The following NALF1 variants were observed in gnomAD, a reference collection of about 807,000 sequenced individuals.
NALF1 encodes the protein NALCN channel auxiliary factor 1.
NALF1 carries 3 observed loss-of-function variants against 48.4 expected under a neutral mutation model. The ratio of observed to expected loss-of-function variants is 0.06; its 90% CI spans 0.03 to 0.16. The LOEUF (loss-of-function observed/expected upper bound fraction) is 0.16. Ranked by LOEUF, NALF1 falls within the 10% of genes least tolerant of loss-of-function variation. The pLI, the probability that NALF1 is intolerant of heterozygous loss-of-function variation, is 1.00. For synonymous variants in NALF1, 262 were observed against 245.7 expected, an observed-to-expected ratio of 1.07 and a Z score of -0.62; for missense variants, 526 against 571.5, an observed-to-expected ratio of 0.92 and a Z score of 0.81.
rs1878777306 is a variant in NALF1 at position 107,170,509 on chromosome 13, G to C, written c.1365C>G (p.Thr455=). ...ACTCGTCCTTCCGTTACTCCTCATT[G>C]GTTGAGTTTTCTTCCAGCGTGTTGA... ...GGINTLEENS[T]NEE is the part of the protein sequence containing the mutation. The change falls in exon 3 of 3, where the codon ACC becomes ACG. Residue 455 remains threonine, a synonymous_variant. Coordinates refer to ENST00000375915, the MANE Select transcript of NALF1 (RefSeq NM_001080396.3). 1 of 1,599,622 alleles carries C rather than the reference G, an allele frequency of 6.3e-7. No homozygotes were observed. The highest frequency in any genetic ancestry group is 1.1e-5 in the South Asian group (1 of 90,928).
chr13:107,588,234 T>C (rs1485511193), intron 1 of NALF1, among the ~76,000 whole-genome samples: 1 of 152,098 alleles, frequency 6.6e-6, no homozygotes, highest in Non-Finnish European at 1.5e-5. Context: ...CAAAGAGCCT[T>C]AACAGAAATT....
Position 107,867,304 on chromosome 13 carries a change from T to TGCCGCCGCC in NALF1, c.-717_-709dup, listed in dbSNP as rs71121563. On this transcript the variant is annotated 5_prime_UTR_variant, in exon 1 of 3. Transcript: ENST00000375915. The surrounding 1 kb of genome is among the most constrained non-coding windows in gnomAD (Gnocchi z 4.4). ...ACCCCCCACCCCGCGCTCTAAGTGC[T>TGCCGCCGCC]GCCGCCGCCGCCGCCGCCGCCGCCG... 1.7e-3 allele frequency among the ~76,000 whole-genome samples: 181 copies of TGCCGCCGCC among 103,532 alleles called. 1 individual carries two copies. Among genetic ancestry groups the TGCCGCCGCC allele is most frequent in the African/African-American group, 6.3e-3 (165 of 26,082 alleles). The allele number at this position is 103,532 out of a possible 152,430, so 67.9% of individuals were successfully genotyped here.
chr13:107,559,900 A>C (rs1566393295), intron 1 of NALF1, among the ~76,000 whole-genome samples: 1 of 152,210 alleles, frequency 6.6e-6, no homozygotes, highest in African/African-American at 2.4e-5. Context: ...GGTGAGATAT[A>C]AAGGAGAGAC....
chr13:107,297,830 A>G (rs1881753683), intron 1 of NALF1, among the ~76,000 whole-genome samples: 1 of 152,200 alleles, frequency 6.6e-6, no homozygotes, highest in Non-Finnish European at 1.5e-5. Flanking sequence ...TTATAGCCAC[A>G]TGGATGTTAA....
intron 2 of NALF1, among the ~76,000 whole-genome samples, chr13:107,173,126 T>C (rs1183264697): frequency 6.6e-6 from 1 of 152,246 alleles, no homozygotes; most frequent in African/African-American, 2.4e-5. Flanking sequence ...AGGCAAATAT[T>C]TGCATATCTT....
chr13:107,224,841 G>A (rs969974620), intron 1 of NALF1, among the ~76,000 whole-genome samples: 10 of 152,048 alleles, frequency 6.6e-5, no homozygotes, highest in African/African-American at 2.4e-4. Context: ...TTATTCTTAG[G>A]TAAATGAGAG....
chr13:107,832,080 T>G (rs1164757291), intron 1 of NALF1, among the ~76,000 whole-genome samples: 1 of 152,118 alleles, frequency 6.6e-6, no homozygotes, highest in Non-Finnish European at 1.5e-5. Flanking sequence ...TTTTAAACTA[T>G]TATATCTGGT....
intron 1 of NALF1, among the ~76,000 whole-genome samples, chr13:107,341,056 G>T (rs555440485): frequency 1.5e-5 from 2 of 130,782 alleles, no homozygotes; most frequent in Non-Finnish European, 3.2e-5. Context: ...CGCCCCCGCC[G>T]CCCCGAACAC....
At chr13:107,685,817 G>A (rs1275440760) in intron 1 of NALF1, among the ~76,000 whole-genome samples, 1 of 152,218 alleles carries the variant, frequency 6.6e-6, no homozygotes, top group African/African-American at 2.4e-5. Context: ...AAATTCCCCT[G>A]TGGATTCATG....
At chr13:107,220,797 G>A (rs559675644) in intron 1 of NALF1, among the ~76,000 whole-genome samples, 35 of 152,186 alleles carry the variant, frequency 2.3e-4, no homozygotes, top group African/African-American at 7.2e-4. Context: ...AGAAGAGGAC[G>A]GCATGTGAGG....
At chr13:107,664,185 C>T (rs1880799739) in intron 1 of NALF1, among the ~76,000 whole-genome samples, 1 of 152,186 alleles carries the variant, frequency 6.6e-6, no homozygotes, top group Non-Finnish European at 1.5e-5. Flanking sequence ...TCCATTCTTC[C>T]AGTTTGCAGG....
chr13:107,406,906 G>C (rs1312273640), intron 1 of NALF1, among the ~76,000 whole-genome samples: 1 of 152,042 alleles, frequency 6.6e-6, no homozygotes, highest in Non-Finnish European at 1.5e-5. Context: ...CATGGGACTG[G>C]TATGAAAACA....
intron 1 of NALF1, among the ~76,000 whole-genome samples, chr13:107,437,371 A>C (rs1884480352): frequency 6.6e-6 from 1 of 152,214 alleles, no homozygotes; most frequent in Non-Finnish European, 1.5e-5. Context: ...CCTTTGACTC[A>C]GTTTTTCCAT....
At chr13:107,567,285 TTTAA>T (rs1877841721) in intron 1 of NALF1, among the ~76,000 whole-genome samples, 1 of 152,208 alleles carries the variant, frequency 6.6e-6, no homozygotes, top group Admixed American at 6.5e-5. Flanking sequence ...TTAGACATAT[TTTAA>T]TTGATAGCAA....
intron 1 of NALF1, among the ~76,000 whole-genome samples, chr13:107,363,554 A>G (rs1594137906): frequency 6.6e-6 from 1 of 152,356 alleles, no homozygotes; most frequent in East Asian, 1.9e-4. Flanking sequence ...AGCTGTGAAC[A>G]CAACACTGCA....
At chr13:107,216,870 A>G (rs1303259482) in intron 1 of NALF1, among the ~76,000 whole-genome samples, 1 of 152,158 alleles carries the variant, frequency 6.6e-6, no homozygotes, top group Non-Finnish European at 1.5e-5. Flanking sequence ...GCCCAGACAT[A>G]TGATTGTACA....
chr13:107,442,340 T>C (rs1413926919), intron 1 of NALF1, among the ~76,000 whole-genome samples: 2 of 152,222 alleles, frequency 1.3e-5, no homozygotes, highest in African/African-American at 4.8e-5. Context: ...TACATAGTTG[T>C]TCCATAAATT....
At chr13:107,338,412 C>T (rs978879987) in intron 1 of NALF1, among the ~76,000 whole-genome samples, 4 of 101,870 alleles carry the variant, frequency 3.9e-5, no homozygotes, top group Admixed American at 1.0e-4. Flanking sequence ...TTTATCCTTT[C>T]GCCTTTCTCA....
intron 1 of NALF1, among the ~76,000 whole-genome samples, chr13:107,820,601 T>G (rs971018139): frequency 6.6e-6 from 1 of 152,180 alleles, no homozygotes; most frequent in African/African-American, 2.4e-5. Flanking sequence ...TAAATGACAA[T>G]TTCCAAATGA....
Sources: gnomAD v4.1 joint callset for allele counts (sites outside exome capture counted in the v4.1 genomes callset) on GRCh38, gnomAD v4.1.1 for gene constraint, Gnocchi (gnomAD v3.1) non-coding constraint, MANE v1.5 for transcripts, NCBI Gene and HGNC (gene_info 2026-07-23, HGNC 2026-07-21) for gene names.